Variants in ZC3H12B observed in about 807,000 individuals in gnomAD.
ZC3H12B encodes the protein probable ribonuclease ZC3H12B.
ZC3H12B carries 7 observed loss-of-function variants against 43.9 expected under a neutral mutation model. The observed-to-expected ratio is 0.16, with a 90% CI of 0.09 to 0.30. The LOEUF (loss-of-function observed/expected upper bound fraction) is 0.30, where lower values mean the gene tolerates loss of function less well. Ranked by LOEUF, ZC3H12B falls within the 10% of genes least tolerant of loss-of-function variation. ZC3H12B has a pLI of 1.00. For missense variants in ZC3H12B, 475 were observed against 670.2 expected (o/e 0.71, Z 3.22); for synonymous variants, 222 against 241.7 (o/e 0.92, Z 0.76).
intron 2 of ZC3H12B, among the ~76,000 whole-genome samples, chrX:65,378,104 A>C (rs1023656760): frequency 9.0e-6 from 1 of 111,103 alleles, no homozygotes; most frequent in Non-Finnish European, 1.9e-5. Context: ...ATCTCAAAAA[A>C]AAAAAGAAAT....
chrX:65,315,675 G>C, the ZC3H12B span, among the ~76,000 whole-genome samples: 72 of 111,830 alleles, frequency 6.4e-4, no homozygotes, highest in African/African-American at 2.3e-3. Flanking sequence ...ATCCAAAGGA[G>C]AGCATCGTCA....
chrX:65,137,474 T>C, the ZC3H12B span, among the ~76,000 whole-genome samples: 1 of 112,192 alleles, frequency 8.9e-6, no homozygotes, highest in African/African-American at 3.2e-5. Flanking sequence ...GCTGAGAATA[T>C]AGAAACAAGT....
the ZC3H12B span, among the ~76,000 whole-genome samples, chrX:65,188,403 T>C: frequency 1.9e-5 from 2 of 104,164 alleles, no homozygotes; most frequent in African/African-American, 7.0e-5. Flanking sequence ...CTATTATTCA[T>C]AGCGGTTTTA....
At chrX:65,406,783 T>G (rs1250509139) in intron 3 of ZC3H12B, among the ~76,000 whole-genome samples, 1 of 112,133 alleles carries the variant, frequency 8.9e-6, no homozygotes, top group Non-Finnish European at 1.9e-5. Context: ...GTGCTCTGCG[T>G]CCCGGAGGCA....
chrX:65,327,456 A>C, the ZC3H12B span, among the ~76,000 whole-genome samples: 1 of 111,556 alleles, frequency 9.0e-6, no homozygotes, highest in Non-Finnish European at 1.9e-5. Context: ...ATTAGACACA[A>C]ATACAAAAAC....
chrX:65,297,373 T>G, the ZC3H12B span, among the ~76,000 whole-genome samples: 1 of 110,279 alleles, frequency 9.1e-6, no homozygotes, highest in Non-Finnish European at 1.9e-5. Context: ...AGGAATCAAA[T>G]CAAGAACTCA....
At chrX:65,339,868 C>A in the ZC3H12B span, among the ~76,000 whole-genome samples, 26 of 112,102 alleles carry the variant, frequency 2.3e-4, no homozygotes, top group Admixed American at 2.3e-3. Context: ...ACGGCCACCC[C>A]CTGCATTGCT....
chrX:65,275,995 T>C, the ZC3H12B span, among the ~76,000 whole-genome samples: 2 of 111,188 alleles, frequency 1.8e-5, no homozygotes, highest in Non-Finnish European at 3.8e-5. Context: ...AAGAGATAGA[T>C]GTAGAGAAAA....
chrX:65,338,435 CA>C, the ZC3H12B span, among the ~76,000 whole-genome samples: 2 of 111,801 alleles, frequency 1.8e-5, no homozygotes, highest in Non-Finnish European at 3.8e-5. Flanking sequence ...ATTAGACATA[CA>C]AAGAAGAGTT....
the ZC3H12B span, among the ~76,000 whole-genome samples, chrX:65,329,491 T>C: frequency 0.018 from 1,556 of 84,308 alleles, 347 homozygotes; most frequent in African/African-American, 0.25. Flanking sequence ...TTCTCCCATT[T>C]TGTAGGTTGC....
the ZC3H12B span, among the ~76,000 whole-genome samples, chrX:65,329,724 T>G: frequency 4.0e-4 from 44 of 111,194 alleles, no homozygotes; most frequent in East Asian, 1.7e-3. Context: ...ATTAATTTTT[T>G]TATAAGGTGT....
At chrX:65,496,365 CTT>C (rs2068282193) in intron 1 of ZC3H12B, among the ~76,000 whole-genome samples, 1 of 111,882 alleles carries the variant, frequency 8.9e-6, no homozygotes, top group Non-Finnish European at 1.9e-5. Context: ...GTGCTTAAGA[CTT>C]ATCCCCAATT....
the ZC3H12B span, among the ~76,000 whole-genome samples, chrX:65,131,890 A>G: frequency 9.0e-6 from 1 of 111,520 alleles, no homozygotes. Flanking sequence ...TGTTGAGAAG[A>G]TTCAAAGGAG....
chrX:65,449,278 C>T (rs995982099), intron 3 of ZC3H12B, among the ~76,000 whole-genome samples: 5 of 110,603 alleles, frequency 4.5e-5, no homozygotes, highest in Non-Finnish European at 9.5e-5. Context: ...CAAACCTGCA[C>T]GTCCTGCACA....
At chrX:65,164,696 C>A in the ZC3H12B span, among the ~76,000 whole-genome samples, 1 of 111,873 alleles carries the variant, frequency 8.9e-6, no homozygotes, top group Admixed American at 9.6e-5. Flanking sequence ...ATTTCTTTTA[C>A]TGTCATAATT....
chrX:65,039,679 C>T, the ZC3H12B span, among the ~76,000 whole-genome samples: 13,831 of 110,855 alleles, frequency 0.12, 2,079 homozygotes, highest in African/African-American at 0.42. Context: ...CTGTGATTGT[C>T]TAAAAAGCCA....
At chrX:65,187,091 C>A in the ZC3H12B span, 2 of 111,873 alleles carry the variant, frequency 1.8e-5, no homozygotes, top group Non-Finnish European at 3.8e-5. Flanking sequence ...TCTTTTAGTT[C>A]TTTAAGGAAT....
chrX:65,049,266 T>A, the ZC3H12B span, among the ~76,000 whole-genome samples: 1 of 111,556 alleles, frequency 9.0e-6, no homozygotes, highest in African/African-American at 3.2e-5. Flanking sequence ...TATGAAGCTA[T>A]TTCCTTATGT....
the ZC3H12B span, among the ~76,000 whole-genome samples, chrX:65,043,953 G>C: frequency 8.9e-6 from 1 of 111,775 alleles, no homozygotes; most frequent in African/African-American, 3.3e-5. Flanking sequence ...ATTGAGCGTT[G>C]CTACATGCAC....
Sources: gnomAD v4.1 joint callset for allele counts (sites outside exome capture counted in the v4.1 genomes callset) on GRCh38, gnomAD v4.1.1 for gene constraint, MANE v1.5 for transcripts, NCBI Gene and HGNC (gene_info 2026-07-23, HGNC 2026-07-21) for gene names.